Variants in NFIB observed in about 807,000 individuals in gnomAD.
NFIB encodes the protein nuclear factor I B.
Under a neutral mutation model 61.5 loss-of-function variants are expected in NFIB, and 11 were observed. The ratio of observed to expected loss-of-function variants is 0.18; its 90% CI spans 0.11 to 0.30. The LOEUF (loss-of-function observed/expected upper bound fraction) is 0.30. Ranked by LOEUF, NFIB falls within the 10% of genes least tolerant of loss-of-function variation. NFIB has a pLI of 1.00. For synonymous variants in NFIB, 260 were observed against 216.5 expected (o/e 1.20, Z -1.76); for missense variants, 471 against 608.9 (o/e 0.77, Z 2.38).
chr9:14,140,622 T>C (rs1461001351), intron 6 of NFIB, among the ~76,000 whole-genome samples: 1 of 152,222 alleles, frequency 6.6e-6, no homozygotes, highest in African/African-American at 2.4e-5. Flanking sequence ...TCTTTTCACA[T>C]TCCTAAACTC....
the NFIB span, among the ~76,000 whole-genome samples, chr9:14,481,197 GTATATATATATATATATATATATA>G: frequency 4.8e-4 from 22 of 45,844 alleles, no homozygotes; most frequent in South Asian, 3.0e-3. Flanking sequence ...GTGTGTGTGT[GTATATATATATATATATATATATA>G]TATATATATA....
the NFIB span, among the ~76,000 whole-genome samples, chr9:14,496,387 T>C: frequency 6.6e-6 from 1 of 152,200 alleles, no homozygotes; most frequent in Non-Finnish European, 1.5e-5. Flanking sequence ...TGAGGTCAGG[T>C]GTGGAATTTT....
chr9:14,352,157 G>A (rs554510112), intron 1 of NFIB, among the ~76,000 whole-genome samples: 1 of 152,016 alleles, frequency 6.6e-6, no homozygotes, highest in South Asian at 2.1e-4. Flanking sequence ...ATCATAAAAG[G>A]AACACATGCG....
intron 7 of NFIB, among the ~76,000 whole-genome samples, chr9:14,122,497 A>G (rs952650541): frequency 1.3e-5 from 2 of 152,252 alleles, no homozygotes; most frequent in African/African-American, 4.8e-5. Flanking sequence ...CATCAAATGT[A>G]TGCATTTCAG....
chr9:14,167,166 G>A (rs145777747), intron 3 of NFIB, among the ~76,000 whole-genome samples: 1 of 151,424 alleles, frequency 6.6e-6, no homozygotes, highest in African/African-American at 2.4e-5. Context: ...TAAGTCATCT[G>A]AAGATGAGGG....
intron 10 of NFIB, among the ~76,000 whole-genome samples, chr9:14,096,155 G>A (rs1029303913): frequency 3.3e-5 from 5 of 152,038 alleles, no homozygotes; most frequent in Admixed American, 6.6e-5. Context: ...GATTTCTTAC[G>A]GACGAACTAC....
chr9:14,113,095 A>G lies in NFIB; in HGVS notation c.1385-14T>C. The stretch of plus-strand genomic sequence containing the variant: ...AGGCTGTGTAGGCTGATTAAGGAAG[A>G]ACAAAAACAAAGATAAAAATTGTGA... On this transcript the variant is annotated splice_polypyrimidine_tract_variant and intron_variant, in intron 9 of 10. Coordinates refer to ENST00000380953, the MANE Select transcript of NFIB (RefSeq NM_001190737.2). 6.5e-7 allele frequency: 1 copy of G among 1,547,132 alleles called. No individual in the cohort carries two copies. Among genetic ancestry groups the G allele is most frequent in the Non-Finnish European group, 8.7e-7 (1 of 1,145,408 alleles).
intron 1 of NFIB, chr9:14,321,900 T>C: frequency 1.6e-6 from 2 of 1,231,526 alleles, no homozygotes; most frequent in Non-Finnish European, 2.0e-6. Flanking sequence ...AAAGAACGAA[T>C]AAAAGAAGCA....
At chr9:14,142,649 A>G (rs2041873042) in intron 6 of NFIB, among the ~76,000 whole-genome samples, 1 of 152,208 alleles carries the variant, frequency 6.6e-6, no homozygotes, top group African/African-American at 2.4e-5. Context: ...TCAGATGGAA[A>G]AAAAAATAAG....
chr9:14,518,648 C>T, the NFIB span, among the ~76,000 whole-genome samples: 36,084 of 150,666 alleles, frequency 0.24, 4,647 homozygotes, highest in East Asian at 0.41. Context: ...CTCAAGACTA[C>T]GGAAAGAAAC....
At chr9:14,228,620 C>T (rs1362659680) in intron 2 of NFIB, among the ~76,000 whole-genome samples, 1 of 152,172 alleles carries the variant, frequency 6.6e-6, no homozygotes, top group Non-Finnish European at 1.5e-5. Context: ...TATATTAATT[C>T]CACATAAATT....
chr9:14,427,954 T>G, the NFIB span, among the ~76,000 whole-genome samples: 9 of 117,580 alleles, frequency 7.7e-5, no homozygotes, highest in South Asian at 1.0e-3. Context: ...TTTTTTTTTT[T>G]TTTTTTTTTT....
chr9:14,185,369 T>C (rs2131498453), intron 2 of NFIB, among the ~76,000 whole-genome samples: 1 of 152,298 alleles, frequency 6.6e-6, no homozygotes, highest in Non-Finnish European at 1.5e-5. Flanking sequence ...AACCTTTACA[T>C]ATATTCTGAA....
At position 14,134,897 on chromosome 9, in the gene NFIB, C is replaced by CAAA. The variant is rs57014530; in HGVS notation, c.926-9134_926-9132dup. On this transcript the variant is annotated intron_variant, in intron 6 of 10. Transcript: ENST00000380953. ...TGGGTGACAGGGCGAGACTCTGTCT[C>CAAA]AAAAAAAAAAAAAAAAAAAAAAAGG... Among the ~76,000 whole-genome samples, 842 of 63,540 alleles carry CAAA rather than the reference C, an allele frequency of 0.013. 39 individuals carry two copies. In the East Asian group the frequency reaches 0.16, roughly 12 times the overall value. 41.7% of individuals were successfully genotyped at this position (63,540 alleles called of 152,430 possible).
At chr9:14,379,778 G>C (rs1398939829) in intron 1 of NFIB, among the ~76,000 whole-genome samples, 3 of 152,088 alleles carry the variant, frequency 2.0e-5, no homozygotes, top group Non-Finnish European at 4.4e-5. Flanking sequence ...CGCCTCCCGG[G>C]TTCAAGCAAT....
chr9:14,527,246 T>A, the NFIB span, among the ~76,000 whole-genome samples: 1 of 152,156 alleles, frequency 6.6e-6, no homozygotes, highest in Non-Finnish European at 1.5e-5. Flanking sequence ...TAAAAACGAA[T>A]TACTATTATT....
chr9:14,357,756 T>C (rs2061192867), intron 1 of NFIB: 1 of 152,148 alleles, frequency 6.6e-6, no homozygotes, highest in African/African-American at 2.4e-5. Context: ...CATCAACCAA[T>C]GAATGGATAA....
At chr9:14,378,460 G>C (rs551018459) in intron 1 of NFIB, among the ~76,000 whole-genome samples, 2 of 152,096 alleles carry the variant, frequency 1.3e-5, no homozygotes, top group Non-Finnish European at 2.9e-5. Context: ...GGGTTCAAGC[G>C]ATTCTCCTGC....
chr9:14,487,714 C>A, the NFIB span, among the ~76,000 whole-genome samples: 1 of 152,196 alleles, frequency 6.6e-6, no homozygotes, highest in Non-Finnish European at 1.5e-5. Context: ...ACATACCTCC[C>A]ACAGCTAACG....
Sources: allele counts gnomAD v4.1 joint callset (sites outside exome capture counted in the v4.1 genomes callset), GRCh38; gene constraint gnomAD v4.1.1; transcripts MANE v1.5; gene names NCBI Gene and HGNC (gene_info 2026-07-23, HGNC 2026-07-21).